WSCD1: variants seen among roughly 807,000 people sequenced by gnomAD.
WSCD1 encodes the protein sialate:O-sulfotransferase 1.
In WSCD1, 41 loss-of-function variants were observed where a neutral mutation model predicts 60.4. That is an observed-to-expected ratio of 0.68 (90% CI 0.53 to 0.88). The LOEUF is 0.88. WSCD1 is among the 40% of genes least tolerant of loss of function. WSCD1 has a pLI of 0.00. For synonymous variants in WSCD1, 361 were observed against 332.5 expected (o/e 1.09, Z -0.93); for missense variants, 784 against 796.2 (o/e 0.98, Z 0.18).
At position 6,109,600 on chromosome 17, in the gene WSCD1, C is replaced by T; in HGVS notation, c.850-7C>T. The T allele has an allele frequency of 6.2e-7, 1 of 1,613,110 alleles. No homozygotes were observed. The highest frequency in any genetic ancestry group is 1.7e-4 in the Middle Eastern group (1 of 6,058). On this transcript the variant is annotated splice_region_variant and splice_polypyrimidine_tract_variant and intron_variant, in intron 5 of 8. Transcript: ENST00000317744. ...AGTGTGCTTCTCTTCTTATCGTTCC[C>T]TGGCAGGAGTTCCCCTTGGCCATTC...
chr17:6,079,078 A>T lies in WSCD1; in HGVS notation c.-288-1293A>T, dbSNP rs576984895. Reference sequence around the variant, plus strand: ...GATTTCCAGATCTCTGCTCTCCCCGAGGGCCTCGGAACCTGGCGGCCCTCG... The same window carrying T: ...GATTTCCAGATCTCTGCTCTCCCCGTGGGCCTCGGAACCTGGCGGCCCTCG... On this transcript the variant is annotated intron_variant, in intron 1 of 8. Coordinates refer to ENST00000317744, the MANE Select transcript of WSCD1 (RefSeq NM_015253.2). Among the ~76,000 whole-genome samples, 31 of 152,300 alleles carry T rather than the reference A, an allele frequency of 2.0e-4. 1 individual carries two copies. The East Asian group carries it at 5.8e-3, about 29-fold the overall frequency.
In WSCD1 at chr17:6,095,184, T is replaced by C. The variant is rs1306316087; in HGVS notation, c.810T>C (p.Asn270=). 9.3e-6 allele frequency: 15 copies of C among 1,613,604 alleles called. No homozygotes were observed. Among genetic ancestry groups the C allele is most frequent in the Non-Finnish European group, 1.2e-5 (14 of 1,179,828 alleles). The change falls in exon 5 of 9, where the codon AAT becomes AAC. Residue 270 remains asparagine, a synonymous_variant. Transcript: ENST00000317744. The part of the protein sequence containing the change: ...HAFPSSLIQA[N]VTVGTCSGFC... ...TCCCCAGCTCCCTGATACAGGCCAA[T>C]GTGACCGTGGGGACTTGCTCGGGCT...
chr17:6,111,574 G>A (rs536251403), intron 7 of WSCD1, among the ~76,000 whole-genome samples: 3 of 151,992 alleles, frequency 2.0e-5, no homozygotes, highest in East Asian at 1.9e-4. Context: ...GGTGGTAGGC[G>A]CCTGTAATCC....
chr17:6,093,932 G>T (rs1440768109), intron 4 of WSCD1, among the ~76,000 whole-genome samples: 1 of 152,194 alleles, frequency 6.6e-6, no homozygotes, highest in Non-Finnish European at 1.5e-5. Context: ...GCCCTGACAC[G>T]TGCACCACAG....
rs2150531364 is a variant in WSCD1 at position 6,080,785 on chromosome 17, C to T, written c.127C>T (p.Pro43Ser). 2 of 1,611,122 alleles carry T rather than the reference C, an allele frequency of 1.2e-6. No homozygotes were observed. Among genetic ancestry groups the T allele is most frequent in the African/African-American group, 1.3e-5 (1 of 75,038 alleles). ...LLLQRVRVAL[P>S]QGPRAPGPLQ... Reference sequence around the variant, plus strand: ...GCTGCAGCGGGTCCGCGTGGCTCTCCCACAGGGCCCCCGGGCACCCGGCCC... The same window carrying T: ...GCTGCAGCGGGTCCGCGTGGCTCTCTCACAGGGCCCCCGGGCACCCGGCCC... The change falls in exon 2 of 9, where the codon CCA becomes TCA. Residue 43 changes from proline to serine, a missense_variant. Pro to Ser is a moderately conservative substitution (Grantham distance 74, BLOSUM62 -1). Coordinates refer to ENST00000317744, the MANE Select transcript of WSCD1 (RefSeq NM_015253.2). The surrounding 1 kb of genome is among the most constrained non-coding windows in gnomAD (Gnocchi z 6.6).
chr17:6,100,951 T>G (rs1910765218), intron 5 of WSCD1, among the ~76,000 whole-genome samples: 1 of 152,176 alleles, frequency 6.6e-6, no homozygotes, highest in African/African-American at 2.4e-5. Context: ...CCTCTAGTAT[T>G]GAGGTCTGAT....
intron 2 of WSCD1, among the ~76,000 whole-genome samples, chr17:6,086,671 G>A (rs1197308758): frequency 6.6e-6 from 1 of 151,984 alleles, no homozygotes; most frequent in Non-Finnish European, 1.5e-5. Context: ...TTGTATTTAG[G>A]CTCTCTGCTA....
chr17:6,115,337 T>G (rs1289615904), intron 7 of WSCD1, among the ~76,000 whole-genome samples: 1 of 152,196 alleles, frequency 6.6e-6, no homozygotes, highest in Non-Finnish European at 1.5e-5. Context: ...GCTCATTCCT[T>G]TTTTGAGGCA....
intron 7 of WSCD1, among the ~76,000 whole-genome samples, chr17:6,113,383 T>C (rs1025140358): frequency 6.6e-6 from 1 of 152,130 alleles, no homozygotes; most frequent in African/African-American, 2.4e-5. Flanking sequence ...CCAAATCTAT[T>C]AAACTGCTAG....
chr17:6,088,450 C>A (rs1420070826), intron 3 of WSCD1, among the ~76,000 whole-genome samples: 1 of 152,100 alleles, frequency 6.6e-6, no homozygotes, highest in Non-Finnish European at 1.5e-5. Flanking sequence ...TTGATGAGTT[C>A]TTTTCCTTCT....
In WSCD1 at chr17:6,123,528, A is replaced by G. The variant is rs140281877; in HGVS notation, c.*2867A>G. 10 of 152,302 alleles carry G rather than the reference A, an allele frequency of 6.6e-5. No homozygotes were observed. The highest frequency in any genetic ancestry group is 2.4e-4 in the African/African-American group (10 of 41,574). 9.4% of individuals were successfully genotyped at this position (152,302 alleles called of 1,614,324 possible). ...TGCATGAATCTGTGATAATGTTTGC[A>G]TATCAGAATGCATTCTCCCCTTAAA... On this transcript the variant is annotated 3_prime_UTR_variant, in exon 9 of 9. Coordinates refer to ENST00000317744, the MANE Select transcript of WSCD1 (RefSeq NM_015253.2).
Position 6,118,687 on chromosome 17 carries a change from T to G in WSCD1, c.1375+499T>G, listed in dbSNP as rs1447513769. 6.6e-6 allele frequency among the ~76,000 whole-genome samples: 1 copy of G among 152,196 alleles called. No individual in the cohort carries two copies. The highest frequency in any genetic ancestry group is 1.5e-5 in the Non-Finnish European group (1 of 68,028). The stretch of plus-strand genomic sequence containing the variant: ...CCTGGTCTCTGGTCAGAGCTCAGCA[T>G]GTTAATTCCCTCCTAAGCTGCCTCT... On this transcript the variant is annotated intron_variant, in intron 8 of 8. Coordinates refer to ENST00000317744, the MANE Select transcript of WSCD1 (RefSeq NM_015253.2). The surrounding 1 kb of genome is among the most constrained non-coding windows in gnomAD (Gnocchi z 5.8).
At position 6,117,996 on chromosome 17, in the gene WSCD1, G is replaced by T; in HGVS notation, c.1183G>T (p.Gly395Cys). The change falls in exon 8 of 9, where the codon GGC (glycine) becomes TGC (cysteine). Residue 395 changes from glycine (G) to cysteine (C), a missense_variant. Coordinates refer to ENST00000317744, the MANE Select transcript of WSCD1 (RefSeq NM_015253.2). The part of the protein sequence containing the change: ...DGTLYNKGFK[G>C]EKDHWRSRRT... The stretch of plus-strand genomic sequence containing the variant: ...CTCATTTTTCCCTGCAGGGTTCAAG[G>T]GCGAAAAGGACCACTGGCGGAGCCG... 6.2e-7 allele frequency: 1 copy of T among 1,613,630 alleles called. No homozygotes were observed. Among genetic ancestry groups the T allele is most frequent in the South Asian group, 1.1e-5 (1 of 91,040 alleles).
rs1908778651 is a variant in WSCD1 at position 6,075,303 on chromosome 17, G to A, written c.-289+4651G>A. On this transcript the variant is annotated intron_variant, in intron 1 of 8. Transcript: ENST00000317744. This position sits in a 1 kb window ranked among gnomAD's most constrained non-coding sequence, Gnocchi z 4.1. ...TCTCTCTGACCGGGGGTCACGGGGA[G>A]GTTGAGTCATCTGACTGAACCCCAG... Among the ~76,000 whole-genome samples, 1 of 152,114 alleles carries A rather than the reference G, an allele frequency of 6.6e-6. No individual in the cohort carries two copies. Among genetic ancestry groups the A allele is most frequent in the Non-Finnish European group, 1.5e-5 (1 of 68,016 alleles).
At position 6,080,815 on chromosome 17, in the gene WSCD1, C is replaced by T. The variant is rs546894775; in HGVS notation, c.157C>T (p.Gln53Ter). The change falls in exon 2 of 9, where the codon CAG (glutamine) becomes TAG (stop). Residue 53 changes from glutamine to a stop codon, truncating the protein, a stop_gained. Coordinates refer to ENST00000317744, the MANE Select transcript of WSCD1 (RefSeq NM_015253.2). LOFTEE classifies it high-confidence loss of function. The surrounding 1 kb of genome is among the most constrained non-coding windows in gnomAD (Gnocchi z 6.6). Reference sequence around the variant, plus strand: ...GGGCCCCCGGGCACCCGGCCCCCTGCAGACCTTGCCAGTGGCCGCCGTGGC... The same window carrying T: ...GGGCCCCCGGGCACCCGGCCCCCTGTAGACCTTGCCAGTGGCCGCCGTGGC... ...PQGPRAPGPL[Q>*]TLPVAAVALG... 1 of 1,609,222 alleles carries T rather than the reference C, an allele frequency of 6.2e-7. No homozygotes were observed. Among genetic ancestry groups the T allele is most frequent in the Non-Finnish European group, 8.5e-7 (1 of 1,178,590 alleles).
intron 8 of WSCD1, 131 bp from the exon 9 acceptor site, chr17:6,120,178 A>G (rs1427264893): frequency 1.0e-6 from 1 of 994,020 alleles, no homozygotes; most frequent in Non-Finnish European, 1.5e-6. Context: ...TCCATGGGGA[A>G]TGCCAGGTTG....
chr17:6,095,070 C>G (rs1159696315), intron 4 of WSCD1, 32 bp from the exon 5 acceptor site: 1 of 1,596,226 alleles, frequency 6.3e-7, no homozygotes. Flanking sequence ...TGGACACCAT[C>G]TCTTACCAGA....
chr17:6,097,578 A>T (rs1160951232), intron 5 of WSCD1, among the ~76,000 whole-genome samples: 2 of 152,290 alleles, frequency 1.3e-5, no homozygotes, highest in Admixed American at 6.5e-5. Flanking sequence ...TTACCATTGC[A>T]CGGAGGTCCT....
At chr17:6,094,788 A>G (rs373270077) in intron 4 of WSCD1, among the ~76,000 whole-genome samples, 26 of 146,392 alleles carry the variant, frequency 1.8e-4, no homozygotes, top group African/African-American at 6.0e-4. Flanking sequence ...GGAAGGAAGG[A>G]AGGGAGGAAG....
Sources: allele counts gnomAD v4.1 joint callset (sites outside exome capture counted in the v4.1 genomes callset), GRCh38; gene constraint gnomAD v4.1.1; non-coding constraint Gnocchi (gnomAD v3.1); transcripts MANE v1.5; gene names NCBI Gene and HGNC (gene_info 2026-07-23, HGNC 2026-07-21).